Variants in ASB3 observed in about 807,000 individuals in gnomAD.
The protein encoded by ASB3 is ankyrin repeat and SOCS box protein 3.
Under a neutral mutation model 54.5 loss-of-function variants are expected in ASB3, and 41 were observed. The observed-to-expected ratio is 0.75, with a 90% CI of 0.59 to 0.98. The LOEUF (loss-of-function observed/expected upper bound fraction) is 0.98, where lower values mean the gene tolerates loss of function less well. ASB3 is among the 50% of genes least tolerant of loss of function. The probability of loss-of-function intolerance (pLI) is 0.00; values close to 1 mark genes in which losing one functional copy is unlikely to be tolerated. For synonymous variants in ASB3, 266 were observed against 221.2 expected (o/e 1.20, Z -1.80); for missense variants, 733 against 620.0 (o/e 1.18, Z -1.94).
At chr2:53,721,895 G>A (rs1670733697) in intron 5 of ASB3, among the ~76,000 whole-genome samples, 1 of 151,980 alleles carries the variant, frequency 6.6e-6, no homozygotes, top group Non-Finnish European at 1.5e-5. Flanking sequence ...AAGGATCAAT[G>A]AAACCAAAAG....
In ASB3 at chr2:53,774,559, T is replaced by C. The variant is rs1236301703; in HGVS notation, c.-13-8974A>G. 3 of 1,427,280 alleles carry C rather than the reference T, an allele frequency of 2.1e-6. No individual in the cohort carries two copies. In the South Asian group the frequency reaches 4.5e-5, roughly 21 times the overall value. The allele number at this position is 1,427,280 out of a possible 1,614,324, so 88.4% of individuals were successfully genotyped here. A position where few individuals can be genotyped will look rare whatever the true frequency, so the allele number is the denominator to read the frequency against. ...TCAGAGAATTAACTTCAGTGCACAA[T>C]GACAATATGATTTGGAAATACGTTT... On this transcript the variant is annotated intron_variant, in intron 1 of 9. Coordinates refer to ENST00000263634, the MANE Select transcript of ASB3 (RefSeq NM_016115.5).
intron 2 of ASB3, among the ~76,000 whole-genome samples, chr2:53,764,217 G>C (rs189860427): frequency 1.3e-5 from 2 of 152,030 alleles, no homozygotes; most frequent in African/African-American, 4.8e-5. Flanking sequence ...GAATTTCCAC[G>C]ATCAATGAAA....
intron 2 of ASB3, among the ~76,000 whole-genome samples, chr2:53,757,867 C>A (rs1374426735): frequency 2.0e-5 from 3 of 152,188 alleles, no homozygotes; most frequent in Admixed American, 6.5e-5. Context: ...CAGCTTATCC[C>A]TCTGCAATAC....
At chr2:53,709,424 C>A (rs113292216) in intron 7 of ASB3, among the ~76,000 whole-genome samples, 67 of 152,244 alleles carry the variant, frequency 4.4e-4, no homozygotes, top group African/African-American at 7.9e-4. Flanking sequence ...GCATAAAGGG[C>A]CTTCTTTCTT....
chr2:53,764,415 T>C (rs1171598346), intron 2 of ASB3, among the ~76,000 whole-genome samples: 1 of 152,218 alleles, frequency 6.6e-6, no homozygotes, highest in Non-Finnish European at 1.5e-5. Flanking sequence ...AGTCAACTTC[T>C]CTGAGCCTTG....
intron 1 of ASB3, among the ~76,000 whole-genome samples, chr2:53,779,664 T>C (rs1053904078): frequency 2.0e-5 from 3 of 152,156 alleles, no homozygotes; most frequent in African/African-American, 7.2e-5. Flanking sequence ...CTTGAACTCC[T>C]GAGCTCAAGT....
At chr2:53,709,912 A>T (rs1267078949) in intron 7 of ASB3, among the ~76,000 whole-genome samples, 1 of 152,170 alleles carries the variant, frequency 6.6e-6, no homozygotes, top group Non-Finnish European at 1.5e-5. Context: ...TGAGGGAATC[A>T]GCTACCATGC....
In ASB3 at chr2:53,714,343, C is replaced by CA. The variant is rs760158427; in HGVS notation, c.980+40dup. ...CACTTCAAAACACATCTCCATACAG[C>CA]AAAAAAGAATAAAAAATAAAAACAT... On this transcript the variant is annotated intron_variant, in intron 7 of 9. Coordinates refer to ENST00000263634, the MANE Select transcript of ASB3 (RefSeq NM_016115.5). The CA allele has an allele frequency of 1.1e-5, 18 of 1,603,586 alleles. No individual in the cohort carries two copies. The African/African-American group carries it at 1.8e-4, about 16-fold the overall frequency.
chr2:53,709,123 T>C (rs7596349), intron 7 of ASB3, among the ~76,000 whole-genome samples: 82,086 of 152,098 alleles, frequency 0.54, 22,444 homozygotes, highest in East Asian at 0.64. Flanking sequence ...CCAGCAGCCT[T>C]ACCCATCACA....
At chr2:53,692,253 T>A (rs72793641) in intron 9 of ASB3, among the ~76,000 whole-genome samples, 1 of 151,978 alleles carries the variant, frequency 6.6e-6, no homozygotes, top group Non-Finnish European at 1.5e-5. Flanking sequence ...AACCACCTCA[T>A]CTCCTGAACC....
chr2:53,779,518 CCTCAACCTCCCAGG>C (rs1284710579), intron 1 of ASB3, among the ~76,000 whole-genome samples: 2 of 152,024 alleles, frequency 1.3e-5, no homozygotes, highest in Admixed American at 6.6e-5. Context: ...CTCACTGCAG[CCTCAACCTCCCAGG>C]CTCAAGCAAT....
chr2:53,713,988 A>T (rs62137566), intron 7 of ASB3, among the ~76,000 whole-genome samples: 37,877 of 152,130 alleles, frequency 0.25, 4,952 homozygotes, highest in East Asian at 0.45. Context: ...ACTAAAGTTT[A>T]ATTTTTAGGC....
Position 53,740,200 on chromosome 2 carries a change from C to T in ASB3, c.355+10583G>A, listed in dbSNP as rs188051493. Among the ~76,000 whole-genome samples, 95 of 152,236 alleles carry T rather than the reference C, an allele frequency of 6.2e-4. No individual in the cohort carries two copies. The East Asian group carries it at 0.014, about 23-fold the overall frequency. On this transcript the variant is annotated intron_variant, in intron 3 of 9. Transcript: ENST00000263634. ...TGAGTTCTACATGTACTCTGTTCTC[C>T]ATTATGCATTTCATTTTTCTATACA...
intron 7 of ASB3, among the ~76,000 whole-genome samples, chr2:53,702,431 T>C (rs920086841): frequency 2.6e-5 from 4 of 152,202 alleles, no homozygotes; most frequent in African/African-American, 9.6e-5. Context: ...AATAAATCCT[T>C]GAGCATGGAT....
intron 1 of ASB3, chr2:53,774,073 A>T (rs1674150032): frequency 2.8e-6 from 4 of 1,435,582 alleles, no homozygotes; most frequent in Non-Finnish European, 3.8e-6. Context: ...ACTCCCTTAG[A>T]TCACAACCTT....
intron 1 of ASB3, among the ~76,000 whole-genome samples, chr2:53,781,064 C>A (rs1307430622): frequency 1.3e-5 from 2 of 152,090 alleles, no homozygotes; most frequent in African/African-American, 4.8e-5. Context: ...AGGAACTGTG[C>A]TAAGCACTGA....
rs1443449146 is a variant in ASB3 at position 53,700,516 on chromosome 2, A to G, written c.993T>C (p.Phe331=). The G allele has an allele frequency of 1.2e-6, 2 of 1,609,626 alleles. No individual in the cohort carries two copies. Among genetic ancestry groups the G allele is most frequent in the South Asian group, 2.2e-5 (2 of 89,708 alleles). ...ATTTCAAAAGAATGTTCACAATTCCAAAGAACTCACAGCTCCACCATAAAA... is the reference window on the plus strand; with the variant it reads ...ATTTCAAAAGAATGTTCACAATTCCGAAGAACTCACAGCTCCACCATAAAA... ...CMAFQKDCEF[F]GIVNILLKYG... is the part of the protein sequence containing the mutation. The change falls in exon 8 of 10, where the codon TTT becomes TTC. Residue 331 remains phenylalanine (F), a synonymous_variant. Transcript: ENST00000263634.
intron 5 of ASB3, among the ~76,000 whole-genome samples, chr2:53,719,734 A>G (rs945261636): frequency 6.6e-6 from 1 of 152,236 alleles, no homozygotes; most frequent in African/African-American, 2.4e-5. Flanking sequence ...GATCGAAATC[A>G]GCCAGAAACC....
chr2:53,728,577 T>A, intron 5 of ASB3, 135 bp downstream of exon 5: 2 of 1,174,336 alleles, frequency 1.7e-6, no homozygotes, highest in East Asian at 5.3e-5. Context: ...CAATTTGTAT[T>A]TACTCTTATT....
Sources: allele counts gnomAD v4.1 joint callset (sites outside exome capture counted in the v4.1 genomes callset), GRCh38; gene constraint gnomAD v4.1.1; transcripts MANE v1.5; gene names NCBI Gene and HGNC (gene_info 2026-07-23, HGNC 2026-07-21).